Variants in TTC17 observed in about 807,000 individuals in gnomAD.
TTC17 encodes tetratricopeptide repeat domain 17.
In TTC17, 58 loss-of-function variants were observed where a neutral mutation model predicts 143.8. The ratio of observed to expected loss-of-function variants is 0.40; its 90% CI spans 0.33 to 0.50. The LOEUF (loss-of-function observed/expected upper bound fraction) is 0.50. Ranked by LOEUF, TTC17 falls within the 20% of genes least tolerant of loss-of-function variation. The pLI is 0.49. For synonymous variants in TTC17, 501 were observed against 497.8 expected (o/e 1.01, Z -0.09); for missense variants, 1,273 against 1,392.5 (o/e 0.91, Z 1.37).
intron 1 of TTC17, chr11:43,370,237 T>C: frequency 2.8e-6 from 1 of 351,370 alleles, no homozygotes; most frequent in Middle Eastern, 3.8e-4. Context: ...GCAACAGACT[T>C]TCTGCCTGCG....
intron 2 of TTC17, 128 bp from the exon 3 acceptor site, chr11:43,389,524 T>A: frequency 1.1e-6 from 1 of 878,108 alleles, no homozygotes; most frequent in Non-Finnish European, 1.6e-6. Flanking sequence ...ACTAAGGGCA[T>A]TTTCAGAATT....
chr11:43,422,880 G>A (rs1026240946), intron 16 of TTC17, among the ~76,000 whole-genome samples: 2 of 152,142 alleles, frequency 1.3e-5, no homozygotes, highest in Non-Finnish European at 2.9e-5. Flanking sequence ...AGGGGCCTGT[G>A]GGGTTGAAGG....
At chr11:43,488,525 G>A (rs1050550174) in intron 21 of TTC17, among the ~76,000 whole-genome samples, 7 of 151,222 alleles carry the variant, frequency 4.6e-5, no homozygotes, top group African/African-American at 1.7e-4. Flanking sequence ...TCAGTGGGGA[G>A]AGAGGTGAAT....
At chr11:43,435,255 G>A (rs1364494174) in intron 16 of TTC17, 1 of 152,186 alleles carries the variant, frequency 6.6e-6, no homozygotes. Flanking sequence ...CAGGAAAGTT[G>A]TGATTCTCCA....
intron 21 of TTC17, among the ~76,000 whole-genome samples, chr11:43,484,060 T>C (rs1329909106): frequency 6.6e-6 from 1 of 152,134 alleles, no homozygotes; most frequent in Admixed American, 6.5e-5. Flanking sequence ...AAGAATCACT[T>C]GAACCCAGGA....
intron 21 of TTC17, among the ~76,000 whole-genome samples, chr11:43,471,276 T>C (rs113338362): frequency 0.011 from 1,614 of 152,322 alleles, 23 homozygotes; most frequent in African/African-American, 0.036. Context: ...TCCCCTACTT[T>C]TGTCCCCCAC....
chr11:43,398,077 A>G lies in TTC17; in HGVS notation c.1022A>G (p.Gln341Arg). The G allele has an allele frequency of 6.2e-7, 1 of 1,614,066 alleles. No homozygotes were observed. The highest frequency in any genetic ancestry group is 8.5e-7 in the Non-Finnish European group (1 of 1,179,978). Residue 341 changes from glutamine (Q) to arginine (R), a missense_variant, in exon 8 of 24, where the codon CAG becomes CGG. Around this residue, in one of 3 missense-constraint regions of TTC17, gnomAD observed 325 missense variants for 444.2 expected, o/e 0.73. Coordinates refer to ENST00000039989, the MANE Select transcript of TTC17 (RefSeq NM_018259.6). ...AIKRKHAVLC[Q>R]QKLEQKLEAQ... ...AAGAGGAAGCATGCTGTCCTATGTC[A>G]GCAAAAACTGGAGCAGAAATTGGAG...
At chr11:43,373,745 A>G (rs1434619568) in intron 1 of TTC17, among the ~76,000 whole-genome samples, 1 of 152,246 alleles carries the variant, frequency 6.6e-6, no homozygotes, top group East Asian at 1.9e-4. Context: ...TTTTGGGGGT[A>G]TAGGTCTGGC....
rs11826735 is a variant in TTC17, at chr11:43,481,486, G to C, written c.3031-8753G>C. 6.0e-3 allele frequency among the ~76,000 whole-genome samples: 910 copies of C among 152,228 alleles called. 7 individuals carry two copies. Among genetic ancestry groups the C allele is most frequent in the African/African-American group, 0.02 (834 of 41,546 alleles). On this transcript the variant is annotated intron_variant, in intron 21 of 23. Coordinates refer to ENST00000039989, the MANE Select transcript of TTC17 (RefSeq NM_018259.6). ...AATTCCTTAATATTTGATAGAATTT[G>C]CCAGTGAAGCCATCTGGTCCTAGAG... is the stretch of plus-strand genomic sequence containing the variant.
intron 3 of TTC17, among the ~76,000 whole-genome samples, chr11:43,390,936 T>A (rs1218820157): frequency 6.6e-6 from 1 of 152,342 alleles, no homozygotes; most frequent in Middle Eastern, 3.4e-3. Flanking sequence ...AAAAAGTCCA[T>A]GATCTTATTC....
chr11:43,426,339 G>T (rs1435088870), intron 16 of TTC17, among the ~76,000 whole-genome samples: 1 of 152,192 alleles, frequency 6.6e-6, no homozygotes, highest in Admixed American at 6.5e-5. Context: ...CTTTCATTTG[G>T]TGGCATAAAG....
At chr11:43,466,071 T>C (rs1947966255) in intron 21 of TTC17, among the ~76,000 whole-genome samples, 1 of 152,106 alleles carries the variant, frequency 6.6e-6, no homozygotes, top group Non-Finnish European at 1.5e-5. Flanking sequence ...TATAAACAAC[T>C]TGTACAAATT....
chr11:43,393,176 C>T (rs765072184), intron 5 of TTC17, among the ~76,000 whole-genome samples: 21 of 152,168 alleles, frequency 1.4e-4, no homozygotes, highest in Non-Finnish European at 2.9e-4. Flanking sequence ...ACACTAACTA[C>T]CTGGAGTTAG....
In TTC17 at chr11:43,408,523, A is replaced by G. The variant is rs546802971; in HGVS notation, c.2064+946A>G. ...GATAAAGTGGGCAATGGAAAGCGCA[A>G]TGCAGCCGTATTCCCTTGAAACTTT... On this transcript the variant is annotated intron_variant, in intron 15 of 23. Coordinates refer to ENST00000039989, the MANE Select transcript of TTC17 (RefSeq NM_018259.6). Among the ~76,000 whole-genome samples the G allele has an allele frequency of 2.6e-4, 39 of 152,308 alleles. 1 individual carries two copies. The South Asian group carries it at 6.8e-3, about 27-fold the overall frequency.
chr11:43,446,285 T>C (rs1947539615), intron 18 of TTC17: 1 of 722,224 alleles, frequency 1.4e-6, no homozygotes, highest in Non-Finnish European at 1.8e-6. Context: ...AAGTGCCATC[T>C]CTTCCTTGTT....
chr11:43,364,706 C>T (rs1038163464), intron 1 of TTC17, among the ~76,000 whole-genome samples: 10 of 152,294 alleles, frequency 6.6e-5, no homozygotes, highest in African/African-American at 2.4e-4. Context: ...GAGATTCTGA[C>T]TTTGTTTATG....
chr11:43,482,732 G>A (rs1180473163), intron 21 of TTC17, among the ~76,000 whole-genome samples: 1 of 151,978 alleles, frequency 6.6e-6, no homozygotes, highest in Non-Finnish European at 1.5e-5. Flanking sequence ...TTTCTTTACT[G>A]ATTTTTCTGG....
chr11:43,360,186 G>A (rs1489205819), intron 1 of TTC17, among the ~76,000 whole-genome samples: 1 of 152,188 alleles, frequency 6.6e-6, no homozygotes, highest in African/African-American at 2.4e-5. Context: ...TAGATTTGCC[G>A]TGTAATGTAA....
At position 43,443,316 on chromosome 11, in the gene TTC17, G is replaced by A. The variant is rs943756768; in HGVS notation, c.2252-9G>A. ...ACCTTTTACTAACGTGCTGGCCCTTGAATTTCAGGTACGGTGGTTGAGGAG... is the reference window on the plus strand; with the variant it reads ...ACCTTTTACTAACGTGCTGGCCCTTAAATTTCAGGTACGGTGGTTGAGGAG... On this transcript the variant is annotated splice_polypyrimidine_tract_variant and intron_variant, in intron 16 of 23. Transcript: ENST00000039989. 6.2e-7 allele frequency: 1 copy of A among 1,613,590 alleles called. No individual in the cohort carries two copies. Among genetic ancestry groups the A allele is most frequent in the African/African-American group, 1.3e-5 (1 of 75,010 alleles).
Sources: gnomAD v4.1 joint callset for allele counts (sites outside exome capture counted in the v4.1 genomes callset) on GRCh38, gnomAD v4.1.1 for gene constraint, gnomAD v4.1.1 regional missense constraint, MANE v1.5 for transcripts, NCBI Gene and HGNC (gene_info 2026-07-23, HGNC 2026-07-21) for gene names.